The following CDIN1 variants were observed in gnomAD, a reference collection of about 807,000 sequenced individuals.
CDIN1 encodes the protein CDAN1 interacting nuclease 1, also known as CDAN1-interacting nuclease 1.
CDIN1 carries 33 observed loss-of-function variants against 45.3 expected under a neutral mutation model. The observed-to-expected ratio is 0.73, with a 90% CI of 0.55 to 0.97. The LOEUF (loss-of-function observed/expected upper bound fraction) is 0.97. Ranked by LOEUF, CDIN1 falls within the 50% of genes least tolerant of loss-of-function variation. CDIN1 has a pLI of 0.00. For missense variants in CDIN1, 303 were observed against 339.4 expected (o/e 0.89, Z 0.84); for synonymous variants, 118 against 124.4 (o/e 0.95, Z 0.34).
Position 36,579,681 on chromosome 15 carries a change from G to A in CDIN1, c.-180G>A. 1.8e-6 allele frequency: 1 copy of A among 567,366 alleles called. No homozygotes were observed. Among genetic ancestry groups the A allele is most frequent in the Non-Finnish European group, 3.1e-6 (1 of 320,668 alleles). 35.1% of individuals were successfully genotyped at this position (567,366 alleles called of 1,614,324 possible). ...AGGTGCCGGTGGAGCCTGGGACCGG[G>A]CGAGTCTCCGCCCCGCTTTTGCAGC... On this transcript the variant is annotated 5_prime_UTR_variant, in exon 1 of 11. Transcript: ENST00000566621.
At position 36,717,659 on chromosome 15, in the gene CDIN1, C is replaced by T. The variant is rs142229261; in HGVS notation, c.716+7698C>T. Among the ~76,000 whole-genome samples the T allele has an allele frequency of 1.4e-3, 214 of 152,144 alleles. 1 individual carries two copies. The highest frequency in any genetic ancestry group is 2.4e-3 in the Non-Finnish European group (165 of 67,988). The stretch of plus-strand genomic sequence containing the variant: ...AAAATATTAACATGATTTCATTACT[C>T]TTGAGTAAAGATGTAATGTAATCAT... On this transcript the variant is annotated intron_variant, in intron 10 of 10. Coordinates refer to ENST00000566621, the MANE Select transcript of CDIN1 (RefSeq NM_001321759.2).
At chr15:36,697,240 C>A in intron 7 of CDIN1, 83 bp from the exon 8 acceptor site, 1 of 1,114,062 alleles carries the variant, frequency 9.0e-7, no homozygotes, top group Non-Finnish European at 1.4e-6. Context: ...GTGAAAATGG[C>A]TGCTCAAAGT....
At chr15:36,703,237 A>ATG (rs2042714408) in intron 8 of CDIN1, among the ~76,000 whole-genome samples, 1 of 53,636 alleles carries the variant, frequency 1.9e-5, no homozygotes, top group African/African-American at 9.8e-5. Context: ...TATATATCAG[A>ATG]TATATATATA....
intron 5 of CDIN1, among the ~76,000 whole-genome samples, chr15:36,661,439 C>T (rs2041009569): frequency 1.3e-5 from 2 of 151,640 alleles, no homozygotes; most frequent in African/African-American, 2.4e-5. Flanking sequence ...TAAAGTCAGT[C>T]GTTATATTTT....
At chr15:36,725,303 C>T (rs1033365371) in intron 10 of CDIN1, among the ~76,000 whole-genome samples, 4 of 146,728 alleles carry the variant, frequency 2.7e-5, no homozygotes, top group African/African-American at 7.6e-5. Context: ...TTGCTTTTTA[C>T]ATTTCTCTTG....
In CDIN1 at chr15:36,703,312, A is replaced by T. The variant is rs143079701; in HGVS notation, c.545-5911A>T. On this transcript the variant is annotated intron_variant, in intron 8 of 10. Coordinates refer to ENST00000566621, the MANE Select transcript of CDIN1 (RefSeq NM_001321759.2). ...TATACATATATCAGATAGATCTATC[A>T]GATATATACATATATCAGATAGATC... Among the ~76,000 whole-genome samples the T allele has an allele frequency of 4.3e-3, 577 of 133,202 alleles. 28 individuals are homozygous for T. In the East Asian group the frequency reaches 0.05, roughly 11 times the overall value. 87.4% of individuals were successfully genotyped at this position (133,202 alleles called of 152,430 possible).
At chr15:36,711,078 A>T (rs1455045976) in intron 10 of CDIN1, among the ~76,000 whole-genome samples, 1 of 152,190 alleles carries the variant, frequency 6.6e-6, no homozygotes, top group Non-Finnish European at 1.5e-5. Flanking sequence ...ATGCTGTTTC[A>T]GCGTTTCCTG....
At chr15:36,650,719 A>G (rs2040541989) in intron 3 of CDIN1, among the ~76,000 whole-genome samples, 1 of 152,138 alleles carries the variant, frequency 6.6e-6, no homozygotes, top group Non-Finnish European at 1.5e-5. Context: ...CTGGGATTAC[A>G]GGTCTGAGCC....
At chr15:36,585,017 A>T (rs1295072509) in intron 1 of CDIN1, among the ~76,000 whole-genome samples, 1 of 152,226 alleles carries the variant, frequency 6.6e-6, no homozygotes, top group Non-Finnish European at 1.5e-5. Flanking sequence ...GACATTTTTT[A>T]ATCTTTCTTG....
chr15:36,623,877 C>T (rs1052249160), intron 1 of CDIN1, among the ~76,000 whole-genome samples: 7 of 152,286 alleles, frequency 4.6e-5, no homozygotes, highest in Non-Finnish European at 8.8e-5. Context: ...AACCTAGAGT[C>T]TAAGGCCAAA....
At chr15:36,654,941 G>T (rs149261257) in intron 4 of CDIN1, among the ~76,000 whole-genome samples, 1 of 152,168 alleles carries the variant, frequency 6.6e-6, no homozygotes, top group African/African-American at 2.4e-5. Flanking sequence ...TGCAAACCTC[G>T]TAGGGATGGA....
At chr15:36,749,227 C>T (rs527551837) in intron 10 of CDIN1, among the ~76,000 whole-genome samples, 4 of 152,178 alleles carry the variant, frequency 2.6e-5, no homozygotes, top group South Asian at 4.1e-4. Context: ...TTAATGTATA[C>T]GATTTCAAGC....
At chr15:36,770,022 C>T (rs1344137939) in intron 10 of CDIN1, among the ~76,000 whole-genome samples, 1 of 152,082 alleles carries the variant, frequency 6.6e-6, no homozygotes, top group African/African-American at 2.4e-5. Flanking sequence ...CATCTCTTTT[C>T]CCTTGATTAT....
At chr15:36,783,182 T>C (rs2054396179) in intron 10 of CDIN1, among the ~76,000 whole-genome samples, 1 of 152,206 alleles carries the variant, frequency 6.6e-6, no homozygotes, top group South Asian at 2.1e-4. Flanking sequence ...GGTTTAAGTG[T>C]GGGGAGAGCC....
Position 36,644,337 on chromosome 15 carries a change from T to A in CDIN1, c.147+14T>A. On this transcript the variant is annotated intron_variant, in intron 2 of 10. Coordinates refer to ENST00000566621, the MANE Select transcript of CDIN1 (RefSeq NM_001321759.2). The stretch of plus-strand genomic sequence containing the variant: ...CAGGAGTACCAGGTTAGAAGTTTTC[T>A]CCTTTGTGAGGGTTGACAGGTGCCT... 1 of 1,612,078 alleles carries A rather than the reference T, an allele frequency of 6.2e-7. No homozygotes were observed. Among genetic ancestry groups the A allele is most frequent in the Non-Finnish European group, 8.5e-7 (1 of 1,178,842 alleles).
intron 5 of CDIN1, among the ~76,000 whole-genome samples, chr15:36,684,271 G>T (rs1181715518): frequency 6.6e-6 from 1 of 151,740 alleles, no homozygotes; most frequent in Non-Finnish European, 1.5e-5. Context: ...TTTATTGAGA[G>T]TTTTTAGCAT....
At chr15:36,665,609 G>A (rs2041217407) in intron 5 of CDIN1, among the ~76,000 whole-genome samples, 1 of 152,142 alleles carries the variant, frequency 6.6e-6, no homozygotes, top group South Asian at 2.1e-4. Context: ...AGATTGCAGG[G>A]TTTATCCACA....
At chr15:36,592,536 G>A (rs1308827888) in intron 1 of CDIN1, among the ~76,000 whole-genome samples, 1 of 152,016 alleles carries the variant, frequency 6.6e-6, no homozygotes, top group Non-Finnish European at 1.5e-5. Context: ...CCTTTTTTCT[G>A]AAAGAGACTC....
chr15:36,607,563 C>CTG (rs1318747618), intron 1 of CDIN1, among the ~76,000 whole-genome samples: 1 of 152,054 alleles, frequency 6.6e-6, no homozygotes, highest in African/African-American at 2.4e-5. Context: ...TCTTTGAGAT[C>CTG]TGTGTGTGTG....
Sources: allele counts gnomAD v4.1 joint callset (sites outside exome capture counted in the v4.1 genomes callset), GRCh38; gene constraint gnomAD v4.1.1; transcripts MANE v1.5; gene names NCBI Gene and HGNC (gene_info 2026-07-23, HGNC 2026-07-21).